COG5: variants seen among roughly 807,000 people sequenced by gnomAD.
COG5 encodes the protein conserved oligomeric Golgi complex subunit 5.
A neutral mutation model predicts 110.4 loss-of-function variants in COG5; 86 were observed. The ratio of observed to expected loss-of-function variants is 0.78; its 90% CI spans 0.65 to 0.93. COG5 has a LOEUF of 0.93. Among genes scored for constraint, COG5 ranks in the 40% least tolerant of loss-of-function variants. COG5 has a pLI of 0.00. For missense variants in COG5, 1,077 were observed against 987.0 expected (o/e 1.09, Z -1.22); for synonymous variants, 360 against 334.6 (o/e 1.08, Z -0.83).
intron 6 of COG5, among the ~76,000 whole-genome samples, chr7:107,454,265 A>G (rs1584845237): frequency 1.3e-5 from 2 of 152,198 alleles, no homozygotes; most frequent in East Asian, 3.8e-4. Flanking sequence ...ACTCTGAGAA[A>G]ATGATATGAA....
At chr7:107,389,866 C>A (rs1346046147) in intron 7 of COG5, among the ~76,000 whole-genome samples, 1 of 152,122 alleles carries the variant, frequency 6.6e-6, no homozygotes, top group Non-Finnish European at 1.5e-5. Context: ...TGCGACATAT[C>A]ATAATTCCAG....
At chr7:107,370,299 A>C (rs1814019348) in intron 8 of COG5, among the ~76,000 whole-genome samples, 1 of 152,110 alleles carries the variant, frequency 6.6e-6, no homozygotes. Context: ...AAATAATCTT[A>C]CACTTATAAA....
chr7:107,232,501 A>G (rs1258956878), intron 18 of COG5, among the ~76,000 whole-genome samples: 1 of 152,244 alleles, frequency 6.6e-6, no homozygotes, highest in African/African-American at 2.4e-5. Flanking sequence ...CTGTCTTCAA[A>G]GACAACCTTT....
intron 6 of COG5, among the ~76,000 whole-genome samples, chr7:107,506,619 CG>C (rs2099114281): frequency 6.6e-6 from 1 of 152,092 alleles, no homozygotes; most frequent in South Asian, 2.1e-4. Flanking sequence ...CCGCATACTT[CG>C]CAAGGCAGAT....
chr7:107,373,787 C>A, intron 7 of COG5, among the ~76,000 whole-genome samples: 1 of 152,076 alleles, frequency 6.6e-6, no homozygotes, highest in Non-Finnish European at 1.5e-5. Flanking sequence ...AATCCTCTCA[C>A]GCATTAGTAA....
intron 10 of COG5, among the ~76,000 whole-genome samples, chr7:107,359,618 A>G (rs1812921369): frequency 6.6e-6 from 1 of 152,050 alleles, no homozygotes; most frequent in South Asian, 2.1e-4. Flanking sequence ...AGGCCTGCCC[A>G]TGGCCAACCA....
At chr7:107,508,617 G>A (rs1799229578) in intron 6 of COG5, among the ~76,000 whole-genome samples, 2 of 152,178 alleles carry the variant, frequency 1.3e-5, no homozygotes, top group South Asian at 4.1e-4. Flanking sequence ...CAGCCTAACT[G>A]GGAGGCACCC....
chr7:107,286,930 TA>T (rs1295918979), intron 12 of COG5, among the ~76,000 whole-genome samples: 4 of 152,018 alleles, frequency 2.6e-5, no homozygotes, highest in Non-Finnish European at 5.9e-5. Context: ...GTTAAAAAAA[TA>T]AAGGAAAAAG....
chr7:107,521,447 A>G (rs1800313927), intron 6 of COG5, among the ~76,000 whole-genome samples: 1 of 152,332 alleles, frequency 6.6e-6, no homozygotes, highest in African/African-American at 2.4e-5. Context: ...CAAATTTACA[A>G]GGAAACAAAC....
intron 7 of COG5, among the ~76,000 whole-genome samples, chr7:107,399,518 T>A (rs1791271241): frequency 6.6e-6 from 1 of 152,144 alleles, no homozygotes; most frequent in African/African-American, 2.4e-5. Context: ...CACTCCTCTC[T>A]CTTGCCTGCC....
At chr7:107,466,796 A>G (rs1400790110) in intron 6 of COG5, among the ~76,000 whole-genome samples, 1 of 152,242 alleles carries the variant, frequency 6.6e-6, no homozygotes, top group Non-Finnish European at 1.5e-5. Context: ...TATCCACTGA[A>G]AAAGGACCCT....
chr7:107,495,824 T>A lies in COG5; in HGVS notation c.538+31413A>T, dbSNP rs144173807. Among the ~76,000 whole-genome samples, 812 of 152,246 alleles carry A rather than the reference T, an allele frequency of 5.3e-3. 4 individuals are homozygous for A. Among genetic ancestry groups the A allele is most frequent in the Middle Eastern group, 0.027 (8 of 294 alleles). ...AAATAAAATAGAAGACACAAAAGTATTTGATTAACATAAAAGAAAGCAGAA... is the reference window on the plus strand; with the variant it reads ...AAATAAAATAGAAGACACAAAAGTAATTGATTAACATAAAAGAAAGCAGAA... On this transcript the variant is annotated intron_variant, in intron 6 of 21. Transcript: ENST00000297135.
In COG5 at chr7:107,514,116, G is replaced by A. The variant is rs1262822833; in HGVS notation, c.538+13121C>T. Reference sequence around the variant, plus strand: ...ACGTGGTGTTAATATATTGCAGCTAGGCAATAAAAATGTAAAACTCAGAAA... The same window carrying A: ...ACGTGGTGTTAATATATTGCAGCTAAGCAATAAAAATGTAAAACTCAGAAA... On this transcript the variant is annotated intron_variant, in intron 6 of 21. Transcript: ENST00000297135. Among the ~76,000 whole-genome samples the A allele has an allele frequency of 3.3e-5, 5 of 151,800 alleles. No homozygotes were observed. The South Asian group carries it at 8.3e-4, about 25-fold the overall frequency.
chr7:107,262,490 T>C (rs1269826887), intron 14 of COG5, among the ~76,000 whole-genome samples: 1 of 152,114 alleles, frequency 6.6e-6, no homozygotes, highest in Non-Finnish European at 1.5e-5. Context: ...AATACATATA[T>C]TCATGGTCAC....
chr7:107,302,825 T>C (rs1807387843), intron 11 of COG5, among the ~76,000 whole-genome samples: 1 of 152,314 alleles, frequency 6.6e-6, no homozygotes, highest in South Asian at 2.1e-4. Context: ...TCTCTGTACA[T>C]GCACCATCCA....
chr7:107,435,568 G>A (rs1275781867), intron 6 of COG5, among the ~76,000 whole-genome samples: 1 of 152,070 alleles, frequency 6.6e-6, no homozygotes, highest in Non-Finnish European at 1.5e-5. Context: ...CACGAGAATT[G>A]CTTGAACCCA....
intron 6 of COG5, among the ~76,000 whole-genome samples, chr7:107,469,207 G>T (rs887949872): frequency 9.9e-5 from 15 of 151,678 alleles, no homozygotes; most frequent in African/African-American, 3.6e-4. Context: ...TTAGCGTGTA[G>T]CTACATATCA....
chr7:107,519,855 A>G (rs1276782141), intron 6 of COG5, among the ~76,000 whole-genome samples: 3 of 152,178 alleles, frequency 2.0e-5, no homozygotes, highest in Non-Finnish European at 4.4e-5. Context: ...AGAAAACTTC[A>G]GGCGAATATC....
intron 12 of COG5, among the ~76,000 whole-genome samples, chr7:107,292,267 A>G (rs983185823): frequency 3.3e-5 from 5 of 152,086 alleles, no homozygotes; most frequent in African/African-American, 1.2e-4. Context: ...TCCTGGGCTC[A>G]AGCCATCTGC....
Sources: gnomAD v4.1 joint callset for allele counts (sites outside exome capture counted in the v4.1 genomes callset) on GRCh38, gnomAD v4.1.1 for gene constraint, MANE v1.5 for transcripts, NCBI Gene and HGNC (gene_info 2026-07-23, HGNC 2026-07-21) for gene names.